Variants in CNTNAP2 observed in about 807,000 individuals in gnomAD.
The protein encoded by CNTNAP2 is contactin associated protein 2.
Under a neutral mutation model 155.2 loss-of-function variants are expected in CNTNAP2, and 98 were observed. The observed-to-expected ratio is 0.63, with a 90% confidence interval of 0.54 to 0.75. The LOEUF (loss-of-function observed/expected upper bound fraction) is 0.75. CNTNAP2 is among the 30% of genes least tolerant of loss of function. The probability of loss-of-function intolerance (pLI) is 0.00; values close to 1 mark genes in which losing one functional copy is unlikely to be tolerated. For missense variants in CNTNAP2, 1,727 were observed against 1,688.1 expected, an observed-to-expected ratio of 1.02 and a Z score of -0.40; for synonymous variants, 651 against 631.2, an observed-to-expected ratio of 1.03 and a Z score of -0.47.
At chr7:146,571,331 G>A (rs983361068) in intron 1 of CNTNAP2, among the ~76,000 whole-genome samples, 6 of 151,832 alleles carry the variant, frequency 4.0e-5, no homozygotes, top group African/African-American at 1.5e-4. Context: ...TTGAATGAAT[G>A]ATTATTTTAC....
chr7:147,718,733 TA>T (rs1282293831), intron 13 of CNTNAP2, among the ~76,000 whole-genome samples: 1 of 152,104 alleles, frequency 6.6e-6, no homozygotes, highest in Non-Finnish European at 1.5e-5. Flanking sequence ...AAGTAATTAC[TA>T]AAAAACATAC....
intron 1 of CNTNAP2, among the ~76,000 whole-genome samples, chr7:146,537,966 A>G (rs1020455705): frequency 2.0e-5 from 3 of 152,070 alleles, no homozygotes; most frequent in African/African-American, 7.2e-5. Flanking sequence ...GGATTTGAAC[A>G]CAGGAATAAC....
intron 1 of CNTNAP2, among the ~76,000 whole-genome samples, chr7:146,244,989 T>C (rs1799622264): frequency 6.6e-6 from 1 of 152,034 alleles, no homozygotes; most frequent in East Asian, 1.9e-4. Flanking sequence ...GAATAGCAGA[T>C]GGAACACTGA....
intron 11 of CNTNAP2, among the ~76,000 whole-genome samples, chr7:147,488,540 A>T (rs947826522): frequency 7.6e-6 from 1 of 131,346 alleles, no homozygotes; most frequent in African/African-American, 3.0e-5. Context: ...AATTATTTTA[A>T]ATAGTATTTT....
At chr7:148,024,098 T>G (rs1055500168) in intron 15 of CNTNAP2, among the ~76,000 whole-genome samples, 1 of 141,250 alleles carries the variant, frequency 7.1e-6, no homozygotes, top group African/African-American at 2.7e-5. Context: ...AATTTACAAA[T>G]AGTCTACTAC....
At chr7:146,411,182 A>G (rs1397368684) in intron 1 of CNTNAP2, among the ~76,000 whole-genome samples, 1 of 138,496 alleles carries the variant, frequency 7.2e-6, no homozygotes, top group African/African-American at 2.7e-5. Flanking sequence ...TTTGAGATGG[A>G]GTCTTGCTCC....
chr7:146,190,642 G>C (rs1426384850), intron 1 of CNTNAP2, among the ~76,000 whole-genome samples: 2 of 152,142 alleles, frequency 1.3e-5, no homozygotes. Flanking sequence ...AAACACATAA[G>C]AAGCATTCTC....
At chr7:146,730,072 A>G (rs909528964) in intron 1 of CNTNAP2, among the ~76,000 whole-genome samples, 2 of 152,154 alleles carry the variant, frequency 1.3e-5, no homozygotes, top group African/African-American at 4.8e-5. Flanking sequence ...CTGAACAGCT[A>G]TTGAGTTGAG....
intron 1 of CNTNAP2, among the ~76,000 whole-genome samples, chr7:146,439,897 G>A (rs1322252460): frequency 6.6e-6 from 1 of 151,610 alleles, no homozygotes; most frequent in Admixed American, 6.6e-5. Context: ...GCCTACGCCA[G>A]TGGATCACCT....
intron 9 of CNTNAP2, among the ~76,000 whole-genome samples, chr7:147,310,590 A>C (rs1449350372): frequency 6.6e-6 from 1 of 152,200 alleles, no homozygotes; most frequent in Non-Finnish European, 1.5e-5. Context: ...ATCTGGTGCA[A>C]ATATGTGATA....
intron 7 of CNTNAP2, among the ~76,000 whole-genome samples, chr7:147,131,965 G>A (rs1000129094): frequency 2.0e-5 from 3 of 151,978 alleles, no homozygotes; most frequent in African/African-American, 7.2e-5. Context: ...TACAACTCAT[G>A]GTCAGCCTAT....
chr7:147,883,282 C>G (rs1159336682), intron 13 of CNTNAP2, among the ~76,000 whole-genome samples: 1 of 152,142 alleles, frequency 6.6e-6, no homozygotes, highest in Non-Finnish European at 1.5e-5. Context: ...TAAGAGTAGA[C>G]TGTCAAAACA....
At chr7:146,354,157 ATTC>A (rs1316396866) in intron 1 of CNTNAP2, among the ~76,000 whole-genome samples, 1 of 152,134 alleles carries the variant, frequency 6.6e-6, no homozygotes, top group African/African-American at 2.4e-5. Context: ...AGAGAAATCT[ATTC>A]TTGTTCATTT....
chr7:148,192,575 G>A (rs1356650907), intron 18 of CNTNAP2, among the ~76,000 whole-genome samples: 3 of 150,066 alleles, frequency 2.0e-5, no homozygotes, highest in East Asian at 1.9e-4. Context: ...GCAGTGAGCC[G>A]AGATCACGCC....
chr7:146,664,924 T>C (rs1000513520), intron 1 of CNTNAP2, among the ~76,000 whole-genome samples: 19 of 152,162 alleles, frequency 1.2e-4, no homozygotes, highest in African/African-American at 4.6e-4. Context: ...ATAAATTGGT[T>C]AATAGTACTC....
At chr7:146,557,533 A>C (rs1249915377) in intron 1 of CNTNAP2, among the ~76,000 whole-genome samples, 1 of 152,072 alleles carries the variant, frequency 6.6e-6, no homozygotes, top group African/African-American at 2.4e-5. Flanking sequence ...AGAATTAAAG[A>C]CTTTCAGGGC....
intron 11 of CNTNAP2, among the ~76,000 whole-genome samples, chr7:147,499,353 AC>A (rs1798768323): frequency 1.3e-5 from 2 of 151,850 alleles, no homozygotes; most frequent in South Asian, 4.2e-4. Context: ...ACATGGTGAA[AC>A]CCCGTCTCTA....
intron 15 of CNTNAP2, among the ~76,000 whole-genome samples, chr7:148,050,737 T>C (rs1458865941): frequency 6.6e-6 from 1 of 152,228 alleles, no homozygotes; most frequent in Non-Finnish European, 1.5e-5. Context: ...CCATTCATGA[T>C]AAGTGCCCTA....
chr7:146,657,723 A>G (rs1800019079), intron 1 of CNTNAP2, among the ~76,000 whole-genome samples: 1 of 152,138 alleles, frequency 6.6e-6, no homozygotes, highest in South Asian at 2.1e-4. Context: ...GACCTCCTGC[A>G]GGGACTTCCA....
Sources: allele counts gnomAD v4.1 joint callset (sites outside exome capture counted in the v4.1 genomes callset), GRCh38; gene constraint gnomAD v4.1.1; transcripts MANE v1.5; gene names NCBI Gene and HGNC (gene_info 2026-07-23, HGNC 2026-07-21).